RIMS1: variants seen among roughly 807,000 people sequenced by gnomAD.
RIMS1 encodes regulating synaptic membrane exocytosis 1, also known as regulating synaptic membrane exocytosis protein 1.
A neutral mutation model predicts 214.1 loss-of-function variants in RIMS1; 83 were observed. The ratio of observed to expected loss-of-function variants is 0.39; its 90% CI spans 0.32 to 0.47. The LOEUF (loss-of-function observed/expected upper bound fraction) is 0.47. Among genes scored for constraint, RIMS1 ranks in the 20% least tolerant of loss-of-function variants. The pLI, the probability that RIMS1 is intolerant of heterozygous loss-of-function variation, is 0.99. For missense variants in RIMS1, 2,050 were observed against 2,161.8 expected, an observed-to-expected ratio of 0.95 and a Z score of 1.03; for synonymous variants, 793 against 786.8, an observed-to-expected ratio of 1.01 and a Z score of -0.13.
At chr6:71,972,608 C>T (rs1440776792) in intron 2 of RIMS1, among the ~76,000 whole-genome samples, 2 of 152,046 alleles carry the variant, frequency 1.3e-5, no homozygotes, top group Non-Finnish European at 1.5e-5. Flanking sequence ...AGCATGCTGC[C>T]TGAGTTGTCA....
At chr6:72,024,346 G>T (rs1362262339) in intron 2 of RIMS1, among the ~76,000 whole-genome samples, 1 of 152,004 alleles carries the variant, frequency 6.6e-6, no homozygotes, top group Non-Finnish European at 1.5e-5. Context: ...GAATCTAATA[G>T]ACTTTGACTT....
In RIMS1 at chr6:72,109,741, A is replaced by T. The variant is rs961762337; in HGVS notation, c.471+9755A>T. On this transcript the variant is annotated intron_variant, in intron 4 of 33. Transcript: ENST00000521978. ...TTTGTCAATTTTGGCTTTTGTTGCC[A>T]TTGCCTTTGGTGTTTTAGACATGAA... 3.9e-4 allele frequency among the ~76,000 whole-genome samples: 59 copies of T among 152,268 alleles called. 1 individual carries two copies. Among genetic ancestry groups the T allele is most frequent in the Admixed American group, 7.8e-4 (12 of 15,294 alleles).
At chr6:72,191,138 A>C (rs567700759) in intron 6 of RIMS1, among the ~76,000 whole-genome samples, 1 of 152,172 alleles carries the variant, frequency 6.6e-6, no homozygotes, top group Non-Finnish European at 1.5e-5. Flanking sequence ...GTCTTCTTCT[A>C]TTCTGGACCC....
In RIMS1 at chr6:72,217,080, T is replaced by C. The variant is rs1473225868; in HGVS notation, c.1679-16693T>C. On this transcript the variant is annotated intron_variant, in intron 6 of 33. Coordinates refer to ENST00000521978, the MANE Select transcript of RIMS1 (RefSeq NM_014989.7). ...CCACAGGGAATTTTATTTAAAATGT[T>C]GTATTTTGGTGGATTTTTTAATTGT... The C allele has an allele frequency of 4.0e-6, 6 of 1,501,952 alleles. No homozygotes were observed. In the African/African-American group the frequency reaches 4.2e-5, roughly 11 times the overall value. 93.0% of individuals were successfully genotyped at this position (1,501,952 alleles called of 1,614,324 possible).
In RIMS1 at chr6:72,215,319, C is replaced by T. The variant is rs145071865; in HGVS notation, c.1679-18454C>T. Reference sequence around the variant, plus strand: ...AAATAAAAGTATATCATTATAGGCCCCCCGCTGCACCTCCAACAAGTCACG... The same window carrying T: ...AAATAAAAGTATATCATTATAGGCCTCCCGCTGCACCTCCAACAAGTCACG... On this transcript the variant is annotated intron_variant, in intron 6 of 33. Transcript: ENST00000521978. Among the ~76,000 whole-genome samples the T allele has an allele frequency of 6.3e-3, 957 of 152,296 alleles. 5 individuals are homozygous for T. Among genetic ancestry groups the T allele is most frequent in the Non-Finnish European group, 9.4e-3 (639 of 68,032 alleles).
chr6:72,131,544 G>T (rs755056480), intron 4 of RIMS1, among the ~76,000 whole-genome samples: 3 of 150,094 alleles, frequency 2.0e-5, no homozygotes, highest in African/African-American at 4.8e-5. Context: ...GGAGTGTACC[G>T]ATAGGGTGTG....
At chr6:72,061,945 A>G (rs892420155) in intron 2 of RIMS1, among the ~76,000 whole-genome samples, 2 of 152,246 alleles carry the variant, frequency 1.3e-5, no homozygotes, top group Non-Finnish European at 2.9e-5. Context: ...CAGCACAGCT[A>G]TGTCAGCAAG....
intron 29 of RIMS1, among the ~76,000 whole-genome samples, chr6:72,384,696 A>G (rs1375992905): frequency 6.6e-6 from 1 of 152,136 alleles, no homozygotes; most frequent in East Asian, 1.9e-4. Flanking sequence ...TTACCAGCAT[A>G]GATTTTAATT....
At chr6:72,236,795 A>G (rs1423316047) in intron 8 of RIMS1, among the ~76,000 whole-genome samples, 3 of 151,982 alleles carry the variant, frequency 2.0e-5, no homozygotes, top group Non-Finnish European at 4.4e-5. Context: ...AAAAAAAAAA[A>G]AAAAAAGCAA....
chr6:71,916,019 G>C (rs534219966), intron 1 of RIMS1, among the ~76,000 whole-genome samples: 10 of 152,008 alleles, frequency 6.6e-5, no homozygotes, highest in Non-Finnish European at 1.3e-4. Flanking sequence ...CTCCCACCGG[G>C]TCCATCCCAC....
At chr6:72,347,038 C>G (rs1036544885) in intron 29 of RIMS1, among the ~76,000 whole-genome samples, 1 of 151,776 alleles carries the variant, frequency 6.6e-6, no homozygotes, top group Admixed American at 6.6e-5. Context: ...TTAATTTACC[C>G]TACTTCCATG....
At position 72,291,998 on chromosome 6, in the gene RIMS1, G is replaced by A; in HGVS notation, c.3802G>A (p.Gly1268Arg). 1 of 1,563,314 alleles carries A rather than the reference G, an allele frequency of 6.4e-7. No homozygotes were observed. Among genetic ancestry groups the A allele is most frequent in the Non-Finnish European group, 8.7e-7 (1 of 1,153,872 alleles). The change falls in exon 26 of 34, where the codon GGA becomes AGA. Residue 1268 changes from glycine (G) to arginine (R), a missense_variant. Coordinates refer to ENST00000521978, the MANE Select transcript of RIMS1 (RefSeq NM_014989.7). ...AGACACATCGTTCAGCAGTCGCAGG[G>A]GAAGACAGCTCCCACAAGTGCCAGT... ...PADTSFSSRR[G>R]RQLPQVPVRS...
intron 1 of RIMS1, among the ~76,000 whole-genome samples, chr6:71,917,313 C>CCTGACA (rs1778706407): frequency 6.6e-5 from 10 of 152,062 alleles, no homozygotes; most frequent in African/African-American, 2.4e-4. Flanking sequence ...GCTGCTGTTT[C>CCTGACA]AGGTAGGATT....
intron 1 of RIMS1, among the ~76,000 whole-genome samples, chr6:71,949,297 C>G (rs1430647946): frequency 1.3e-5 from 2 of 152,114 alleles, no homozygotes; most frequent in Non-Finnish European, 2.9e-5. Flanking sequence ...AGCAAGTTAA[C>G]AAGAAAGGTC....
intron 1 of RIMS1, among the ~76,000 whole-genome samples, chr6:71,901,030 A>G (rs567560831): frequency 1.1e-4 from 16 of 152,274 alleles, no homozygotes; most frequent in African/African-American, 3.1e-4. Context: ...GTCTCACTAA[A>G]TCAAAGGGAA....
At chr6:72,001,564 G>A (rs1033274781) in intron 2 of RIMS1, among the ~76,000 whole-genome samples, 3 of 152,084 alleles carry the variant, frequency 2.0e-5, no homozygotes, top group Non-Finnish European at 2.9e-5. Flanking sequence ...AATATCTAAT[G>A]TGATCGTATT....
rs533313269 is a variant in RIMS1 at position 72,133,076 on chromosome 6, T to C, written c.471+33090T>C. On this transcript the variant is annotated intron_variant, in intron 4 of 33. Coordinates refer to ENST00000521978, the MANE Select transcript of RIMS1 (RefSeq NM_014989.7). The stretch of plus-strand genomic sequence containing the variant: ...TTCATGCATCACTTTGAGAATGCTG[T>C]CTGAAAAACAGACAGGCAACAGGAA... 3.3e-5 allele frequency among the ~76,000 whole-genome samples: 5 copies of C among 152,262 alleles called. No individual in the cohort carries two copies. The South Asian group carries it at 8.3e-4, about 25-fold the overall frequency.
rs1811613144 is a variant in RIMS1, at chr6:72,013,533, G to C, written c.245+44470G>C. Among the ~76,000 whole-genome samples the C allele has an allele frequency of 2.6e-5, 4 of 152,286 alleles. No individual in the cohort carries two copies. The South Asian group carries it at 8.3e-4, about 32-fold the overall frequency. On this transcript the variant is annotated intron_variant, in intron 2 of 33. Coordinates refer to ENST00000521978, the MANE Select transcript of RIMS1 (RefSeq NM_014989.7). ...CATATGATGACAATATACTGTGATT[G>C]TTGTGTGAAAATGTGGACTAAGTGT...
chr6:71,992,366 C>A (rs1801839472), intron 2 of RIMS1, among the ~76,000 whole-genome samples: 1 of 151,706 alleles, frequency 6.6e-6, no homozygotes, highest in African/African-American at 2.4e-5. Context: ...ATCTTTTTTC[C>A]TTTTTCTTTC....
Sources: gnomAD v4.1 joint callset for allele counts (sites outside exome capture counted in the v4.1 genomes callset) on GRCh38, gnomAD v4.1.1 for gene constraint, MANE v1.5 for transcripts, NCBI Gene and HGNC (gene_info 2026-07-23, HGNC 2026-07-21) for gene names.